Variants in ZNF277 observed in about 807,000 individuals in gnomAD.
The protein encoded by ZNF277 is nuclear receptor-interacting factor 4.
ZNF277 carries 55 observed loss-of-function variants against 60.7 expected under a neutral mutation model. The observed-to-expected ratio is 0.91, with a 90% CI of 0.73 to 1.13. The LOEUF is 1.13. Among genes scored for constraint, ZNF277 ranks in the 50% most tolerant of loss-of-function variants. The probability of loss-of-function intolerance (pLI) is 0.00; values close to 1 mark genes in which losing one functional copy is unlikely to be tolerated. For missense variants in ZNF277, 510 were observed against 523.0 expected (o/e 0.98, Z 0.24); for synonymous variants, 178 against 179.3 (o/e 0.99, Z 0.06).
intron 1 of ZNF277, among the ~76,000 whole-genome samples, chr7:112,249,479 T>G (rs1488249607): frequency 6.6e-6 from 1 of 152,076 alleles, no homozygotes; most frequent in Non-Finnish European, 1.5e-5. Context: ...CAGATAGCTG[T>G]GTAAGAATAG....
chr7:112,296,931 T>TTA (rs1792365373), intron 4 of ZNF277, among the ~76,000 whole-genome samples: 1 of 84,072 alleles, frequency 1.2e-5, no homozygotes, highest in Non-Finnish European at 2.6e-5. Context: ...TTTTTTTTTT[T>TTA]TTTTTTTTTT....
chr7:112,222,597 G>A (rs1276318781), intron 1 of ZNF277, among the ~76,000 whole-genome samples: 1 of 152,034 alleles, frequency 6.6e-6, no homozygotes, highest in East Asian at 1.9e-4. Flanking sequence ...TTAGCTAAGG[G>A]TTTGTCAATT....
intron 4 of ZNF277, among the ~76,000 whole-genome samples, chr7:112,305,163 G>A (rs1792561173): frequency 6.6e-6 from 1 of 152,070 alleles, no homozygotes; most frequent in African/African-American, 2.4e-5. Context: ...AGGCTGAGGC[G>A]AGAGAATCGC....
At chr7:112,243,581 AT>A (rs1165417345) in intron 1 of ZNF277, among the ~76,000 whole-genome samples, 3 of 151,926 alleles carry the variant, frequency 2.0e-5, no homozygotes, top group East Asian at 1.9e-4. Flanking sequence ...GAAAAAAAAA[AT>A]GTTCTCTAAT....
intron 1 of ZNF277, among the ~76,000 whole-genome samples, chr7:112,276,032 C>T (rs1401372913): frequency 4.6e-5 from 7 of 152,180 alleles, no homozygotes; most frequent in Non-Finnish European, 7.3e-5. Flanking sequence ...GTAATTCACC[C>T]ATAGTATGGA....
At chr7:112,271,327 C>A (rs1455932040) in intron 1 of ZNF277, among the ~76,000 whole-genome samples, 2 of 152,134 alleles carry the variant, frequency 1.3e-5, no homozygotes, top group Non-Finnish European at 2.9e-5. Flanking sequence ...TGTCCAGCAT[C>A]ATTTTATTCC....
At chr7:112,287,237 C>T in intron 2 of ZNF277, 163 bp downstream of exon 2, 1 of 647,690 alleles carries the variant, frequency 1.5e-6, no homozygotes, top group South Asian at 1.9e-5. Context: ...TATCTAGGAT[C>T]AATGGCATGC....
intron 1 of ZNF277, among the ~76,000 whole-genome samples, chr7:112,221,271 T>C (rs1380493077): frequency 6.6e-6 from 1 of 152,154 alleles, no homozygotes; most frequent in Non-Finnish European, 1.5e-5. Flanking sequence ...CTAATAGAGC[T>C]GTAACACTCA....
chr7:112,300,196 T>C (rs543420563), intron 4 of ZNF277, among the ~76,000 whole-genome samples: 9 of 152,346 alleles, frequency 5.9e-5, no homozygotes, highest in African/African-American at 1.9e-4. Flanking sequence ...TCTTTTTCCA[T>C]TTCTTTGAGA....
chr7:112,318,765 C>T (rs1028272446), intron 5 of ZNF277, among the ~76,000 whole-genome samples: 2 of 152,020 alleles, frequency 1.3e-5, no homozygotes, highest in African/African-American at 2.4e-5. Flanking sequence ...TTTAAGGGCA[C>T]AGGCTCAAAC....
At chr7:112,330,049 A>G in intron 6 of ZNF277, 35 bp from the exon 7 acceptor site, 1 of 1,589,748 alleles carries the variant, frequency 6.3e-7, no homozygotes. Flanking sequence ...ACTATACAAG[A>G]GACTTGTTTA....
chr7:112,280,679 G>C (rs1039740591), intron 1 of ZNF277, among the ~76,000 whole-genome samples: 5 of 151,602 alleles, frequency 3.3e-5, no homozygotes, highest in Non-Finnish European at 7.4e-5. Context: ...AGACTGGAGT[G>C]CAGTGGCACG....
rs868623893 is a variant in ZNF277 at position 112,285,434 on chromosome 7, A to T, written c.92-1439A>T. Among the ~76,000 whole-genome samples the T allele has an allele frequency of 8.9e-4, 113 of 127,490 alleles. 1 individual carries two copies. The highest frequency in any genetic ancestry group is 1.1e-3 in the East Asian group (5 of 4,452). The allele number at this position is 127,490 out of a possible 152,430, so 83.6% of individuals were successfully genotyped here. A position where few individuals can be genotyped will look rare whatever the true frequency, so the allele number is the denominator to read the frequency against. On this transcript the variant is annotated intron_variant, in intron 1 of 11. Coordinates refer to ENST00000361822, the MANE Select transcript of ZNF277 (RefSeq NM_021994.3). Reference sequence around the variant, plus strand: ...TAAAGTAAGAAAAAAAAAATAGGAAATTTTTTTTTTTTTTTTTTGGAATGA... The same window carrying T: ...TAAAGTAAGAAAAAAAAAATAGGAATTTTTTTTTTTTTTTTTTTGGAATGA...
intron 1 of ZNF277, among the ~76,000 whole-genome samples, chr7:112,210,478 G>T (rs56159925): frequency 0.063 from 7,313 of 116,470 alleles, 317 homozygotes; most frequent in Non-Finnish European, 0.086. Context: ...TTTTTTTTTT[G>T]TTTTTTTTTT....
intron 1 of ZNF277, among the ~76,000 whole-genome samples, chr7:112,239,440 G>A (rs368164965): frequency 9.3e-4 from 142 of 152,284 alleles, no homozygotes; most frequent in Middle Eastern, 3.4e-3. Flanking sequence ...GTACTGCTCC[G>A]GCTTCAGGTC....
At chr7:112,218,981 C>A (rs1821958079) in intron 1 of ZNF277, among the ~76,000 whole-genome samples, 1 of 152,052 alleles carries the variant, frequency 6.6e-6, no homozygotes, top group Admixed American at 6.6e-5. Context: ...AGTTATGTAC[C>A]CAGAAGTAGA....
chr7:112,273,614 T>C (rs1791729793), intron 1 of ZNF277, among the ~76,000 whole-genome samples: 1 of 152,218 alleles, frequency 6.6e-6, no homozygotes, highest in African/African-American at 2.4e-5. Context: ...AGATTACCGG[T>C]CAAGGCTTCT....
At chr7:112,297,690 A>G (rs1792386219) in intron 4 of ZNF277, among the ~76,000 whole-genome samples, 1 of 152,202 alleles carries the variant, frequency 6.6e-6, no homozygotes, top group Non-Finnish European at 1.5e-5. Context: ...GAAATCTGCA[A>G]AACAAGGCTA....
At chr7:112,250,009 C>T (rs956334626) in intron 1 of ZNF277, among the ~76,000 whole-genome samples, 2 of 152,212 alleles carry the variant, frequency 1.3e-5, no homozygotes, top group Non-Finnish European at 2.9e-5. Flanking sequence ...ACCTTAAACT[C>T]TGACCGCCGG....
Sources: allele counts gnomAD v4.1 joint callset (sites outside exome capture counted in the v4.1 genomes callset), GRCh38; gene constraint gnomAD v4.1.1; transcripts MANE v1.5; gene names NCBI Gene and HGNC (gene_info 2026-07-23, HGNC 2026-07-21).